The following GRIA2 variants were observed in gnomAD, a reference collection of about 807,000 sequenced individuals.
GRIA2 encodes the protein glutamate receptor 2.
A neutral mutation model predicts 97.3 loss-of-function variants in GRIA2; 14 were observed. That is an observed-to-expected ratio of 0.14 (90% CI 0.10 to 0.23). GRIA2 has a LOEUF of 0.23. Ranked by LOEUF, GRIA2 falls within the 10% of genes least tolerant of loss-of-function variation. The pLI is 1.00. For missense variants in GRIA2, 558 were observed against 1,069.8 expected (o/e 0.52, Z 6.67); for synonymous variants, 412 against 387.8 (o/e 1.06, Z -0.73).
At chr4:157,282,328 AC>A (rs1367808307) in intron 2 of GRIA2, among the ~76,000 whole-genome samples, 3 of 152,124 alleles carry the variant, frequency 2.0e-5, no homozygotes, top group Admixed American at 2.0e-4. Context: ...GGAACAATCT[AC>A]CATATGACCT....
At chr4:157,228,920 C>T (rs1281605516) in intron 2 of GRIA2, among the ~76,000 whole-genome samples, 3 of 150,316 alleles carry the variant, frequency 2.0e-5, no homozygotes, top group Admixed American at 6.6e-5. Flanking sequence ...GGCCCCTGAC[C>T]GTTATGGGTC....
At chr4:157,244,477 C>G (rs1730642691) in intron 2 of GRIA2, among the ~76,000 whole-genome samples, 1 of 152,050 alleles carries the variant, frequency 6.6e-6, no homozygotes, top group Non-Finnish European at 1.5e-5. Flanking sequence ...CTCACAAAAT[C>G]ATTTCGAGAT....
intron 12 of GRIA2, among the ~76,000 whole-genome samples, chr4:157,358,392 A>G (rs1166629137): frequency 6.6e-6 from 1 of 152,166 alleles, no homozygotes; most frequent in Non-Finnish European, 1.5e-5. Context: ...TCACTCTCAT[A>G]GATATGCTTT....
intron 10 of GRIA2, 144 bp from the exon 11 acceptor site, chr4:157,336,233 T>C (rs1735280161): frequency 5.7e-6 from 4 of 696,106 alleles, no homozygotes; most frequent in African/African-American, 1.8e-5. Flanking sequence ...CCTTTTTGTT[T>C]ATCCTTTACT....
At position 157,303,808 on chromosome 4, in the gene GRIA2, C is replaced by T. The variant is rs370698884; in HGVS notation, c.469+17C>T. On this transcript the variant is annotated intron_variant, in intron 3 of 15. Coordinates refer to ENST00000264426, the MANE Select transcript of GRIA2 (RefSeq NM_001083619.3). ...GTGACAGAGGTAAGTGACAGTATCT[C>T]ATCTCTTTGTAATGGGGCGAATTCA... is the stretch of plus-strand genomic sequence containing the variant. The T allele has an allele frequency of 1.2e-6, 2 of 1,611,498 alleles. No individual in the cohort carries two copies. Among genetic ancestry groups the T allele is most frequent in the Non-Finnish European group, 1.7e-6 (2 of 1,177,866 alleles).
At chr4:157,256,236 ATATATATATAATATATAAAT>A (rs1177569635) in intron 2 of GRIA2, among the ~76,000 whole-genome samples, 1 of 96,310 alleles carries the variant, frequency 1.0e-5, no homozygotes, top group African/African-American at 5.4e-5. Flanking sequence ...AATATATAAT[ATATATATATAATATATAAAT>A]TATATATTAC....
intron 2 of GRIA2, among the ~76,000 whole-genome samples, chr4:157,273,766 C>T (rs1732146395): frequency 6.6e-6 from 1 of 151,936 alleles, no homozygotes; most frequent in Non-Finnish European, 1.5e-5. Flanking sequence ...CATACATACA[C>T]ATAATGGGAA....
At chr4:157,274,613 C>T (rs564533482) in intron 2 of GRIA2, among the ~76,000 whole-genome samples, 71 of 149,082 alleles carry the variant, frequency 4.8e-4, no homozygotes, top group South Asian at 8.5e-4. Context: ...TGAGAACATG[C>T]GGTGTTTGGC....
chr4:157,275,330 G>A (rs373690487), intron 2 of GRIA2, among the ~76,000 whole-genome samples: 82 of 151,810 alleles, frequency 5.4e-4, no homozygotes, highest in African/African-American at 1.7e-3. Flanking sequence ...CCTGTTCACC[G>A]TGATGGTGGT....
rs541869545 is a variant in GRIA2, at chr4:157,347,510, G to A, written c.2043+6048G>A. Among the ~76,000 whole-genome samples, 316 of 152,262 alleles carry A rather than the reference G, an allele frequency of 2.1e-3. 1 individual carries two copies. The highest frequency in any genetic ancestry group is 3.2e-3 in the Non-Finnish European group (219 of 68,022). ...GGAAAGGTTAAAACAATACAGAAGT[G>A]ATTTGGGATTAGTCTCTCATTTCAA... On this transcript the variant is annotated intron_variant, in intron 12 of 15. Transcript: ENST00000264426.
At chr4:157,271,038 A>T (rs1731999873) in intron 2 of GRIA2, among the ~76,000 whole-genome samples, 1 of 152,092 alleles carries the variant, frequency 6.6e-6, no homozygotes, top group Middle Eastern at 3.4e-3. Flanking sequence ...CATTTGGATG[A>T]TAACTAACCA....
chr4:157,221,795 G>A lies in GRIA2; in HGVS notation c.217G>A (p.Val73Ile). 1 of 1,614,062 alleles carries A rather than the reference G, an allele frequency of 6.2e-7. No homozygotes were observed. The highest frequency in any genetic ancestry group is 2.2e-5 in the East Asian group (1 of 44,864). Reference protein sequence around the residue: ...DNLEVANSFAVTNAFCSQFSR... With the variant: ...DNLEVANSFAITNAFCSQFSR... ...TTTGGAGGTGGCAAACAGCTTCGCA[G>A]TCACTAATGCTTGTAAGTAATGAAT... The change falls in exon 2 of 16, where the codon GTC becomes ATC. Residue 73 changes from valine (V) to isoleucine (I), a missense_variant. By Grantham distance (29) the Val-to-Ile change is conservative. Around this residue, in one of 8 missense-constraint regions of GRIA2, gnomAD observed 96 missense variants for 176.6 expected, o/e 0.54. Coordinates refer to ENST00000264426, the MANE Select transcript of GRIA2 (RefSeq NM_001083619.3).
intron 2 of GRIA2, among the ~76,000 whole-genome samples, chr4:157,241,443 G>A (rs2126717485): frequency 6.6e-6 from 1 of 152,176 alleles, no homozygotes; most frequent in South Asian, 2.1e-4. Flanking sequence ...ATTCCCCCAT[G>A]AAGACCTGAA....
rs1035360412 is a variant in GRIA2, at chr4:157,346,970, A to T, written c.2043+5508A>T. ...TTGAAAAAGCATCCTAAATGTATTT[A>T]CGAATACATTTAGCCTAAGTTGCCT... On this transcript the variant is annotated intron_variant, in intron 12 of 15. Transcript: ENST00000264426. Among the ~76,000 whole-genome samples, 4 of 152,206 alleles carry T rather than the reference A, an allele frequency of 2.6e-5. No homozygotes were observed. In the South Asian group the frequency reaches 6.2e-4, roughly 24 times the overall value.
intron 2 of GRIA2, among the ~76,000 whole-genome samples, chr4:157,225,916 TTTACA>T (rs1277588404): frequency 6.6e-6 from 1 of 151,986 alleles, no homozygotes; most frequent in Non-Finnish European, 1.5e-5. Flanking sequence ...ACTAAGTATT[TTTACA>T]TTATAAAAGA....
intron 2 of GRIA2, among the ~76,000 whole-genome samples, chr4:157,264,813 T>TAATA (rs1377894153): frequency 6.6e-6 from 1 of 152,108 alleles, no homozygotes; most frequent in African/African-American, 2.4e-5. Context: ...TTAATCATTT[T>TAATA]AATAAATAAA....
intron 2 of GRIA2, among the ~76,000 whole-genome samples, chr4:157,269,741 A>T (rs1731933402): frequency 6.6e-6 from 1 of 152,140 alleles, no homozygotes; most frequent in Non-Finnish European, 1.5e-5. Context: ...TTTGGAAGAC[A>T]GTTATGGACT....
At chr4:157,268,622 ATAAC>A (rs1731875089) in intron 2 of GRIA2, among the ~76,000 whole-genome samples, 1 of 152,016 alleles carries the variant, frequency 6.6e-6, no homozygotes, top group African/African-American at 2.4e-5. Context: ...TTGTATATAA[ATAAC>A]TAAGGAAAGG....
chr4:157,329,521 C>G (rs995919583), intron 6 of GRIA2, among the ~76,000 whole-genome samples: 55 of 151,908 alleles, frequency 3.6e-4, no homozygotes, highest in African/African-American at 1.2e-3. Flanking sequence ...AACAGTTAAA[C>G]TGTTATTGCG....
Sources: allele counts gnomAD v4.1 joint callset (sites outside exome capture counted in the v4.1 genomes callset), GRCh38; gene constraint gnomAD v4.1.1; regional missense constraint gnomAD v4.1.1; transcripts MANE v1.5; gene names NCBI Gene and HGNC (gene_info 2026-07-23, HGNC 2026-07-21).